The following MTERF4 variants were observed in gnomAD, a reference collection of about 807,000 sequenced individuals.
The protein encoded by MTERF4 is transcription termination factor 4, mitochondrial.
A neutral mutation model predicts 22.5 loss-of-function variants in MTERF4; 17 were observed. The ratio of observed to expected loss-of-function variants is 0.75; its 90% CI spans 0.52 to 1.13. The LOEUF is 1.13. Ranked by LOEUF, MTERF4 falls within the 50% of genes most tolerant of loss-of-function variation. The probability of loss-of-function intolerance (pLI) is 0.00; values close to 1 mark genes in which losing one functional copy is unlikely to be tolerated. For missense variants in MTERF4, 420 were observed against 466.8 expected (o/e 0.90, Z 0.92); for synonymous variants, 165 against 175.3 (o/e 0.94, Z 0.47).
the MTERF4 span, chr2:241,052,599 A>T: frequency 3.2e-6 from 2 of 617,112 alleles, no homozygotes; most frequent in African/African-American, 2.6e-5. Flanking sequence ...GCCAAGCAGG[A>T]TATATGGGAT....
chr2:241,065,884 G>A, the MTERF4 span, among the ~76,000 whole-genome samples: 5 of 152,076 alleles, frequency 3.3e-5, no homozygotes, highest in Admixed American at 3.3e-4. Flanking sequence ...GGACTGGGGA[G>A]GAATGGGGGC....
rs2064454996 is a variant in MTERF4 at position 241,096,799 on chromosome 2, T to C, written c.706-361A>G. On this transcript the variant is annotated intron_variant, in intron 3 of 3. Transcript: ENST00000391980. The surrounding 1 kb of genome is among the most constrained non-coding windows in gnomAD (Gnocchi z 5.1). Reference sequence around the variant, plus strand: ...TCTAGAAATTCGACCTAAGTTGTCATAATTATTACCAAAAAATCGGACAAC... The same window carrying C: ...TCTAGAAATTCGACCTAAGTTGTCACAATTATTACCAAAAAATCGGACAAC... 1 of 522,942 alleles carries C rather than the reference T, an allele frequency of 1.9e-6. No homozygotes were observed. The highest frequency in any genetic ancestry group is 3.4e-5 in the Admixed American group (1 of 29,142). 32.4% of individuals were successfully genotyped at this position (522,942 alleles called of 1,614,324 possible).
At chr2:241,052,094 C>T in the MTERF4 span, 1 of 1,613,922 alleles carries the variant, frequency 6.2e-7, no homozygotes, top group Non-Finnish European at 8.5e-7. Flanking sequence ...CACCTGCTTC[C>T]ACTACATTGG....
chr2:241,073,481 T>G lies in MTERF4; in HGVS notation n.2681A>C, dbSNP rs1230712061. Reference sequence around the variant, plus strand: ...GGAATCAGGAGGCACAGAGCCTACCTGAGGGGAGGCTGAGCACCAGGCACC... The same window carrying G: ...GGAATCAGGAGGCACAGAGCCTACCGGAGGGGAGGCTGAGCACCAGGCACC... On this transcript the variant is annotated non_coding_transcript_exon_variant, in exon 5 of 5. Coordinates refer to the MTERF4 transcript ENST00000464344. The surrounding 1 kb of genome is among the most constrained non-coding windows in gnomAD (Gnocchi z 6.6). 3.5e-6 allele frequency: 3 copies of G among 849,094 alleles called. No homozygotes were observed. Among genetic ancestry groups the G allele is most frequent in the South Asian group, 2.9e-5 (2 of 68,346 alleles). The allele number at this position is 849,094 out of a possible 1,614,324, so 52.6% of individuals were successfully genotyped here.
At chr2:241,071,689 A>T (rs1181915585), downstream of MTERF4, 1 of 1,529,806 alleles carries the variant, frequency 6.5e-7, no homozygotes, top group Non-Finnish European at 8.8e-7. Context: ...CAATGACCAC[A>T]GCGCCCCCGA....
downstream of MTERF4, among the ~76,000 whole-genome samples, chr2:241,085,548 T>C (rs569627545): frequency 1.7e-4 from 26 of 152,336 alleles, no homozygotes; most frequent in South Asian, 5.2e-3. Flanking sequence ...CTGCTATTTC[T>C]GTCATCACTC....
At chr2:241,079,722 G>A (rs2063237248) in intron 4 of MTERF4, among the ~76,000 whole-genome samples, 1 of 152,108 alleles carries the variant, frequency 6.6e-6, no homozygotes, top group Non-Finnish European at 1.5e-5. Context: ...GTTATCATGT[G>A]GATGGCATAA....
chr2:241,053,749 G>C, the MTERF4 span, among the ~76,000 whole-genome samples: 1 of 152,216 alleles, frequency 6.6e-6, no homozygotes, highest in South Asian at 2.1e-4. Flanking sequence ...CATTTGAGGA[G>C]TGCTGCTCCA....
At chr2:241,082,895 C>T (rs188925319), downstream of MTERF4, among the ~76,000 whole-genome samples, 3 of 152,200 alleles carry the variant, frequency 2.0e-5, no homozygotes, top group East Asian at 5.8e-4. Flanking sequence ...CAACAGATGA[C>T]TTACTGAGCA....
chr2:241,052,248 C>T, the MTERF4 span: 3 of 1,453,018 alleles, frequency 2.1e-6, no homozygotes, highest in Non-Finnish European at 1.9e-6. Flanking sequence ...CTGGTCCAGG[C>T]CCTGGAGGCG....
chr2:241,049,099 C>A, the MTERF4 span: 2 of 1,612,420 alleles, frequency 1.2e-6, no homozygotes, highest in South Asian at 1.1e-5. Context: ...CGGGAGCTAC[C>A]TCTGCGTCTG....
intron 4 of MTERF4, among the ~76,000 whole-genome samples, chr2:241,077,451 C>T (rs147082434): frequency 6.6e-6 from 1 of 152,234 alleles, no homozygotes; most frequent in East Asian, 1.9e-4. Flanking sequence ...ACTTCTGTGC[C>T]TCAAAGGATG....
chr2:241,049,007 C>G, the MTERF4 span: 1 of 1,598,394 alleles, frequency 6.3e-7, no homozygotes, highest in Non-Finnish European at 8.5e-7. Flanking sequence ...ATGGGGCTTC[C>G]TCCTTTCTCT....
downstream of MTERF4, chr2:241,093,011 T>C (rs1213848786): frequency 6.6e-6 from 1 of 152,246 alleles, no homozygotes; most frequent in Non-Finnish European, 1.5e-5. Context: ...CATAAAAATG[T>C]TTTTTGAAGA....
chr2:241,063,988 G>T, the MTERF4 span: 9 of 1,518,420 alleles, frequency 5.9e-6, no homozygotes, highest in Non-Finnish European at 7.2e-6. Flanking sequence ...TGCAGCTTGG[G>T]CCCACTCTCT....
intron 1 of MTERF4, chr2:241,101,173 G>T (rs1220585356): frequency 6.4e-6 from 3 of 466,066 alleles, no homozygotes; most frequent in East Asian, 1.4e-4. Context: ...CCATAATGTA[G>T]AATCACTGGG....
chr2:241,096,102 C>G lies in MTERF4; in HGVS notation c.1042G>C (p.Glu348Gln), dbSNP rs779826815. Reference sequence around the variant, plus strand: ...TTGTCATCCTCATCATTGTCCTCCTCATCATCGTCATCCTCATCCTCATCC... The same window carrying G: ...TTGTCATCCTCATCATTGTCCTCCTGATCATCGTCATCCTCATCCTCATCC... ...SLDEDEDDDD[E>Q]EDNDEDDNDE... The change falls in exon 4 of 4, where the codon GAG (glutamate) becomes CAG (glutamine). Residue 348 changes from glutamate (E) to glutamine (Q), a missense_variant. Physicochemically the swap from Glu to Gln is conservative, Grantham distance 29. Coordinates refer to ENST00000391980, the MANE Select transcript of MTERF4 (RefSeq NM_182501.4). This position sits in a 1 kb window ranked among gnomAD's most constrained non-coding sequence, Gnocchi z 5.1. 6.2e-7 allele frequency: 1 copy of G among 1,603,780 alleles called. No homozygotes were observed. Among genetic ancestry groups the G allele is most frequent in the South Asian group, 1.1e-5 (1 of 91,022 alleles).
rs2064432749 is a variant in MTERF4 at position 241,096,487 on chromosome 2, CCTATCATT to C, written c.706-57_706-50del. 8 of 1,588,486 alleles carry C rather than the reference CCTATCATT, an allele frequency of 5.0e-6. No homozygotes were observed. Among genetic ancestry groups the C allele is most frequent in the Admixed American group, 1.7e-5 (1 of 59,674 alleles). On this transcript the variant is annotated intron_variant, in intron 3 of 3. Coordinates refer to ENST00000391980, the MANE Select transcript of MTERF4 (RefSeq NM_182501.4). The surrounding 1 kb of genome is among the most constrained non-coding windows in gnomAD (Gnocchi z 5.1). Reference sequence around the variant, plus strand: ...GAGTCCCAGATACAGAGTATTGAAACCTATCATTCTATAAACCATAAAAACTTAAGTTG... The same window carrying C: ...GAGTCCCAGATACAGAGTATTGAAACCTATAAACCATAAAAACTTAAGTTG...
the MTERF4 span, chr2:241,051,990 G>A: frequency 1.9e-6 from 3 of 1,557,250 alleles, no homozygotes; most frequent in Non-Finnish European, 2.6e-6. The surrounding 1 kb of genome is among the most constrained non-coding windows in gnomAD (Gnocchi z 4.7). Context: ...GGATGTTGGG[G>A]AACGTGGGAG....
Sources: allele counts gnomAD v4.1 joint callset (sites outside exome capture counted in the v4.1 genomes callset), GRCh38; gene constraint gnomAD v4.1.1; non-coding constraint Gnocchi (gnomAD v3.1); transcripts MANE v1.5; gene names NCBI Gene and HGNC (gene_info 2026-07-23, HGNC 2026-07-21).